The following DMD variants were observed in gnomAD, a reference collection of about 807,000 sequenced individuals.
DMD encodes mutant dystrophin.
A neutral mutation model predicts 330.1 loss-of-function variants in DMD; 63 were observed. The ratio of observed to expected loss-of-function variants is 0.19; its 90% CI spans 0.16 to 0.24. The LOEUF is 0.24. Ranked by LOEUF, DMD falls within the 10% of genes least tolerant of loss-of-function variation. The probability of loss-of-function intolerance (pLI) is 1.00; values close to 1 mark genes in which losing one functional copy is unlikely to be tolerated. For missense variants in DMD, 3,344 were observed against 2,684.1 expected, an observed-to-expected ratio of 1.25 and a Z score of -5.43; for synonymous variants, 1,223 against 959.8, an observed-to-expected ratio of 1.27 and a Z score of -5.07.
intron 7 of DMD, among the ~76,000 whole-genome samples, chrX:32,799,420 A>G (rs912328094): frequency 2.7e-5 from 3 of 111,415 alleles, no homozygotes; most frequent in African/African-American, 6.5e-5. Context: ...GAACATTTCC[A>G]TATCATATTT....
chrX:31,964,643 G>C (rs2095335972), intron 45 of DMD, among the ~76,000 whole-genome samples: 1 of 108,773 alleles, frequency 9.2e-6, no homozygotes. Context: ...CTATATATGA[G>C]AGATACAGAA....
chrX:33,268,224 G>A (rs925683035), intron 1 of DMD, among the ~76,000 whole-genome samples: 10 of 110,444 alleles, frequency 9.1e-5, no homozygotes, highest in African/African-American at 2.6e-4. Flanking sequence ...TCCTGGCTTC[G>A]GGTAATCCAC....
chrX:32,358,360 C>A (rs1195700413), intron 37 of DMD, among the ~76,000 whole-genome samples: 2 of 111,069 alleles, frequency 1.8e-5, no homozygotes, highest in Non-Finnish European at 3.8e-5. Context: ...CTCAGCCATG[C>A]CACTATACTC....
chrX:33,007,517 T>C (rs1488900022), intron 2 of DMD, among the ~76,000 whole-genome samples: 1 of 111,579 alleles, frequency 9.0e-6, no homozygotes, highest in East Asian at 2.8e-4. Context: ...TTATTTTTTC[T>C]CTTAGCACTT....
intron 1 of DMD, among the ~76,000 whole-genome samples, chrX:33,328,534 AGTTT>A (rs1158287771): frequency 9.0e-6 from 1 of 111,370 alleles, no homozygotes; most frequent in African/African-American, 3.3e-5. Context: ...GCTATACAAC[AGTTT>A]GTTAGCTGAA....
chrX:32,257,990 G>T (rs1048900279), intron 43 of DMD, among the ~76,000 whole-genome samples: 2 of 108,392 alleles, frequency 1.8e-5, no homozygotes, highest in Non-Finnish European at 3.8e-5. Context: ...AAACCCATCA[G>T]AAAGTGGGCT....
chrX:33,324,632 G>A (rs1042657103), intron 1 of DMD, among the ~76,000 whole-genome samples: 2 of 111,111 alleles, frequency 1.8e-5, no homozygotes, highest in South Asian at 3.8e-4. Context: ...ACATCATTAC[G>A]TTGGGTTAAG....
At chrX:32,439,738 C>A (rs1028580285) in intron 28 of DMD, among the ~76,000 whole-genome samples, 1 of 110,666 alleles carries the variant, frequency 9.0e-6, no homozygotes, top group Non-Finnish European at 1.9e-5. Context: ...TACCAAAGAG[C>A]CAATTTTATG....
intron 19 of DMD, among the ~76,000 whole-genome samples, chrX:32,497,729 A>T (rs2043641039): frequency 9.0e-6 from 1 of 111,647 alleles, no homozygotes; most frequent in South Asian, 3.7e-4. Flanking sequence ...GTCTAATCCT[A>T]AATAGATAAA....
intron 1 of DMD, among the ~76,000 whole-genome samples, chrX:33,282,112 G>GTGTT (rs768054593): frequency 9.0e-6 from 1 of 110,791 alleles, no homozygotes. Flanking sequence ...CCAGTGCTCT[G>GTGTT]TGTTTGCCCA....
chrX:32,849,645 G>A (rs915595171), intron 3 of DMD, 83 bp downstream of exon 3: 4 of 715,069 alleles, frequency 5.6e-6, no homozygotes, highest in Non-Finnish European at 6.6e-6. Context: ...CATTCTACTA[G>A]ATGTCATAAA....
At chrX:32,968,694 C>A (rs1488358677) in intron 2 of DMD, among the ~76,000 whole-genome samples, 1 of 109,658 alleles carries the variant, frequency 9.1e-6, no homozygotes, top group African/African-American at 3.3e-5. Context: ...GATTAGGTCA[C>A]GAGGATGGAG....
At chrX:31,828,150 T>C (rs5927872) in intron 49 of DMD, among the ~76,000 whole-genome samples, 13,373 of 111,414 alleles carry the variant, frequency 0.12, 673 homozygotes, top group East Asian at 0.24. Flanking sequence ...ACAAAATTGA[T>C]AGACCATTAG....
At chrX:31,962,731 C>T (rs1253640470) in intron 45 of DMD, among the ~76,000 whole-genome samples, 1 of 111,756 alleles carries the variant, frequency 8.9e-6, no homozygotes, top group African/African-American at 3.3e-5. Flanking sequence ...ATACTGCATG[C>T]ATTCAGGATT....
intron 18 of DMD, among the ~76,000 whole-genome samples, chrX:32,508,991 T>G (rs1222546358): frequency 2.8e-5 from 3 of 108,724 alleles, no homozygotes; most frequent in Admixed American, 2.0e-4. Flanking sequence ...TTTGTATTTT[T>G]AGTAGAGACG....
chrX:32,827,351 C>A (rs1174017243), intron 4 of DMD, among the ~76,000 whole-genome samples: 1 of 111,175 alleles, frequency 9.0e-6, no homozygotes, highest in Admixed American at 9.6e-5. Flanking sequence ...ATTCAGATCA[C>A]TAGGGGGTAA....
At chrX:31,490,836 A>G (rs2069232590) in intron 57 of DMD, among the ~76,000 whole-genome samples, 1 of 112,567 alleles carries the variant, frequency 8.9e-6, no homozygotes, top group East Asian at 2.8e-4. Flanking sequence ...TGTATAATCT[A>G]CAACATGATT....
intron 18 of DMD, among the ~76,000 whole-genome samples, chrX:32,509,014 G>A (rs2044971276): frequency 9.2e-6 from 1 of 108,840 alleles, no homozygotes; most frequent in South Asian, 4.0e-4. Flanking sequence ...GCTTCATGGT[G>A]TCAACCATGA....
intron 52 of DMD, among the ~76,000 whole-genome samples, chrX:31,686,467 A>C (rs1213083437): frequency 8.9e-6 from 1 of 112,217 alleles, no homozygotes; most frequent in African/African-American, 3.2e-5. Flanking sequence ...AATGATCTCT[A>C]TTCCAGGCGA....
Sources: gnomAD v4.1 joint callset for allele counts (sites outside exome capture counted in the v4.1 genomes callset) on GRCh38, gnomAD v4.1.1 for gene constraint, MANE v1.5 for transcripts, NCBI Gene and HGNC (gene_info 2026-07-23, HGNC 2026-07-21) for gene names.